The following OR2J3 variants were observed in gnomAD, a reference collection of about 807,000 sequenced individuals.
OR2J3 encodes olfactory receptor 2J3.
A neutral mutation model predicts 18.5 loss-of-function variants in OR2J3; 13 were observed. That is an observed-to-expected ratio of 0.70 (90% CI 0.46 to 1.12). The LOEUF (loss-of-function observed/expected upper bound fraction) is 1.12. Ranked by LOEUF, OR2J3 falls within the 50% of genes most tolerant of loss-of-function variation. The pLI is 0.00. For synonymous variants in OR2J3, 142 were observed against 140.6 expected (o/e 1.01, Z -0.07); for missense variants, 321 against 371.6 (o/e 0.86, Z 1.12).
rs775294292 is a variant in OR2J3, at chr6:29,112,472, T to C, written c.582T>C (p.Asp194=). 68 of 1,614,000 alleles carry C rather than the reference T, an allele frequency of 4.2e-5. No individual in the cohort carries two copies. Among genetic ancestry groups the C allele is most frequent in the Non-Finnish European group, 5.8e-5 (68 of 1,180,016 alleles). ...VPALLRLSCV[D]THVNELTLMI... ...CACTTCTGCGATTATCGTGTGTTGATACCCATGTCAATGAGCTGACCCTCA... is the reference window on the plus strand; with the variant it reads ...CACTTCTGCGATTATCGTGTGTTGACACCCATGTCAATGAGCTGACCCTCA... Residue 194 remains aspartate, a synonymous_variant, in exon 4 of 4, where the codon GAT becomes GAC. Coordinates refer to ENST00000641151, the MANE Select transcript of OR2J3 (RefSeq NM_001005216.4).
Position 29,114,653 on chromosome 6 carries a change from C to T in OR2J3, c.*1827C>T, listed in dbSNP as rs1456014194. The stretch of plus-strand genomic sequence containing the variant: ...CAACTATGCAGTACAGTATTATTAG[C>T]TATAGTCACCATACCGTAGAATAGA... On this transcript the variant is annotated 3_prime_UTR_variant, in exon 4 of 4. Coordinates refer to ENST00000641151, the MANE Select transcript of OR2J3 (RefSeq NM_001005216.4). The T allele has an allele frequency of 6.6e-6, 1 of 152,070 alleles. No individual in the cohort carries two copies. Among genetic ancestry groups the T allele is most frequent in the Non-Finnish European group, 1.5e-5 (1 of 68,002 alleles). 9.4% of individuals were successfully genotyped at this position (152,070 alleles called of 1,614,324 possible).
In OR2J3 at chr6:29,112,545, ACTT is replaced by A. The variant is rs1270527475; in HGVS notation, c.659_661del (p.Ser220del). ...TCTCATACCTCTCATCCTCATTCTC[ACTT>A]CTTATGGTGCCATCGTCCGAGCTAT... On this transcript the variant is annotated inframe_deletion, in exon 4 of 4. Coordinates refer to ENST00000641151, the MANE Select transcript of OR2J3 (RefSeq NM_001005216.4). The A allele has an allele frequency of 6.2e-7, 1 of 1,613,800 alleles. No homozygotes were observed. Among genetic ancestry groups the A allele is most frequent in the African/African-American group, 1.3e-5 (1 of 74,856 alleles).
intron 3 of OR2J3, among the ~76,000 whole-genome samples, chr6:29,110,235 C>A (rs1427931505): frequency 6.6e-6 from 1 of 152,164 alleles, no homozygotes; most frequent in Non-Finnish European, 1.5e-5. Flanking sequence ...ATCATGAATA[C>A]CCATATATTG....
At position 29,112,959 on chromosome 6, in the gene OR2J3, C is replaced by T; in HGVS notation, c.*133C>T. 2 of 1,110,838 alleles carry T rather than the reference C, an allele frequency of 1.8e-6. No homozygotes were observed. Among genetic ancestry groups the T allele is most frequent in the East Asian group, 2.6e-5 (1 of 38,722 alleles). The allele number at this position is 1,110,838 out of a possible 1,614,324, so 68.8% of individuals were successfully genotyped here. A position where few individuals can be genotyped will look rare whatever the true frequency, so the allele number is the denominator to read the frequency against. Reference sequence around the variant, plus strand: ...TGCTGAGCATGTACTCTAACAAGGTCGTGGAGTTCCTGGTAACAGGTAGGA... The same window carrying T: ...TGCTGAGCATGTACTCTAACAAGGTTGTGGAGTTCCTGGTAACAGGTAGGA... On this transcript the variant is annotated 3_prime_UTR_variant, in exon 4 of 4. Transcript: ENST00000641151.
In OR2J3 at chr6:29,111,914, TGCTA is replaced by T; in HGVS notation, c.28_31del (p.Ser10LeufsTer7). 1 of 1,613,218 alleles carries T rather than the reference TGCTA, an allele frequency of 6.2e-7. No individual in the cohort carries two copies. The highest frequency in any genetic ancestry group is 2.2e-5 in the East Asian group (1 of 44,880). ...AAATGAATGATGATGGAAAAGTCAATGCTAGCTCTGAGGGGTACTTTATTTTAGT... is the reference window on the plus strand; with the variant it reads ...AAATGAATGATGATGGAAAAGTCAATGCTCTGAGGGGTACTTTATTTTAGT... On this transcript the variant is annotated frameshift_variant, in exon 4 of 4. Coordinates refer to ENST00000641151, the MANE Select transcript of OR2J3 (RefSeq NM_001005216.4). LOFTEE classifies it high-confidence loss of function.
At position 29,112,972 on chromosome 6, in the gene OR2J3, G is replaced by T. The variant is rs1391716191; in HGVS notation, c.*146G>T. 2 of 946,588 alleles carry T rather than the reference G, an allele frequency of 2.1e-6. No individual in the cohort carries two copies. Among genetic ancestry groups the T allele is most frequent in the East Asian group, 5.3e-5 (2 of 37,886 alleles). The allele number at this position is 946,588 out of a possible 1,614,324, so 58.6% of individuals were successfully genotyped here. ...CTCTAACAAGGTCGTGGAGTTCCTG[G>T]TAACAGGTAGGAATAAAACACAGTC... On this transcript the variant is annotated 3_prime_UTR_variant, in exon 4 of 4. Transcript: ENST00000641151.
In OR2J3 at chr6:29,114,645, A is replaced by G. The variant is rs1762266131; in HGVS notation, c.*1819A>G. The G allele has an allele frequency of 2.0e-5, 3 of 152,136 alleles. No homozygotes were observed. Among genetic ancestry groups the G allele is most frequent in the Admixed American group, 2.0e-4 (3 of 15,254 alleles). The allele number at this position is 152,136 out of a possible 1,614,324, so 9.4% of individuals were successfully genotyped here. ...GCAGTTTTCAACTATGCAGTACAGT[A>G]TTATTAGCTATAGTCACCATACCGT... On this transcript the variant is annotated 3_prime_UTR_variant, in exon 4 of 4. Coordinates refer to ENST00000641151, the MANE Select transcript of OR2J3 (RefSeq NM_001005216.4).
rs772791879 is a variant in OR2J3, at chr6:29,112,585, A to C, written c.695A>C (p.Gln232Pro). ...GAIVRAILRM[Q>P]STTGLQKVFG... Reference sequence around the variant, plus strand: ...ATCGTCCGAGCTATACTGAGGATGCAGTCAACCACTGGGCTTCAGAAAGTG... The same window carrying C: ...ATCGTCCGAGCTATACTGAGGATGCCGTCAACCACTGGGCTTCAGAAAGTG... Residue 232 changes from glutamine to proline, a missense_variant, in exon 4 of 4, where the codon CAG (glutamine) becomes CCG (proline). Physicochemically the swap from Gln to Pro is moderately conservative, Grantham distance 76. Transcript: ENST00000641151. The C allele has an allele frequency of 6.2e-7, 1 of 1,614,060 alleles. No homozygotes were observed. The highest frequency in any genetic ancestry group is 1.1e-5 in the South Asian group (1 of 91,078).
intron 3 of OR2J3, among the ~76,000 whole-genome samples, chr6:29,111,379 C>T (rs3130763): frequency 0.38 from 57,877 of 151,972 alleles, 13,569 homozygotes; most frequent in Non-Finnish European, 0.51. Flanking sequence ...TCACAGCAGG[C>T]TCATGATGTT....
At chr6:29,110,855 T>TTATCTATCTATC (rs9280546) in intron 3 of OR2J3, among the ~76,000 whole-genome samples, 301 of 149,260 alleles carry the variant, frequency 2.0e-3, no homozygotes, top group East Asian at 8.4e-3. Flanking sequence ...ATCTATCTAT[T>TTATCTATCTATC]TATCTATCTA....
In OR2J3 at chr6:29,112,321, G is replaced by A. The variant is rs1488944532; in HGVS notation, c.431G>A (p.Cys144Tyr). 4 of 1,613,990 alleles carry A rather than the reference G, an allele frequency of 2.5e-6. No homozygotes were observed. Among genetic ancestry groups the A allele is most frequent in the Non-Finnish European group, 3.4e-6 (4 of 1,180,040 alleles). The change falls in exon 4 of 4, where the codon TGC (cysteine) becomes TAC (tyrosine). Residue 144 changes from cysteine to tyrosine, a missense_variant. Transcript: ENST00000641151. The part of the protein sequence containing the change: ...HYTVLMHPRF[C>Y]HLLAVASWVS... ...ACTGTCCTCATGCACCCTCGTTTCT[G>A]CCACCTGCTGGCTGTGGCTTCTTGG... is the stretch of plus-strand genomic sequence containing the variant.
At position 29,112,010 on chromosome 6, in the gene OR2J3, G is replaced by A. The variant is rs761071775; in HGVS notation, c.120G>A (p.Met40Ile). Residue 40 changes from methionine to isoleucine, a missense_variant, in exon 4 of 4, where the codon ATG becomes ATA. Met to Ile is a conservative substitution (Grantham distance 10). Transcript: ENST00000641151. ...TGGTTGTCTTGATCTTCTACTTGAT[G>A]ACACTGATAGGAAACCTGTTCATCA... ...IFVVVLIFYL[M>I]TLIGNLFIII... The A allele has an allele frequency of 1.9e-6, 3 of 1,614,046 alleles. No individual in the cohort carries two copies. Among genetic ancestry groups the A allele is most frequent in the Non-Finnish European group, 1.7e-6 (2 of 1,180,012 alleles).
chr6:29,111,962 T>A lies in OR2J3; in HGVS notation c.72T>A (p.Pro24=), dbSNP rs1345032826. Residue 24 remains proline (P), a synonymous_variant, in exon 4 of 4, where the codon CCT becomes CCA. Transcript: ENST00000641151. The part of the protein sequence containing the change: ...YFILVGFSNW[P]HLEVVIFVVV... Reference sequence around the variant, plus strand: ...TTTTAGTTGGATTTTCTAATTGGCCTCATCTGGAAGTAGTTATCTTTGTGG... The same window carrying A: ...TTTTAGTTGGATTTTCTAATTGGCCACATCTGGAAGTAGTTATCTTTGTGG... 9 of 1,614,104 alleles carry A rather than the reference T, an allele frequency of 5.6e-6. No homozygotes were observed. Among genetic ancestry groups the A allele is most frequent in the Non-Finnish European group, 7.6e-6 (9 of 1,180,000 alleles).
Position 29,112,073 on chromosome 6 carries a change from A to C in OR2J3, c.183A>C (p.Pro61=), listed in dbSNP as rs1762149255. 1.2e-6 allele frequency: 2 copies of C among 1,613,926 alleles called. No homozygotes were observed. Among genetic ancestry groups the C allele is most frequent in the African/African-American group, 2.7e-5 (2 of 74,890 alleles). ...LSYLDSHLHT[P]MYFFLSNLSF... is the part of the protein sequence containing the mutation. The stretch of plus-strand genomic sequence containing the variant: ...ACCTGGACTCCCATCTGCACACACC[A>C]ATGTACTTCTTCCTTTCAAACCTCT... Residue 61 remains proline, a synonymous_variant, in exon 4 of 4, where the codon CCA becomes CCC. Coordinates refer to ENST00000641151, the MANE Select transcript of OR2J3 (RefSeq NM_001005216.4).
At chr6:29,109,176 A>T (rs982180861) in intron 3 of OR2J3, among the ~76,000 whole-genome samples, 5 of 152,212 alleles carry the variant, frequency 3.3e-5, no homozygotes, top group African/African-American at 1.2e-4. Context: ...CCTCTAAGTC[A>T]AGTAATCTTC....
rs1290981560 is a variant in OR2J3, at chr6:29,112,831, G to C, written c.*5G>C. On this transcript the variant is annotated 3_prime_UTR_variant, in exon 4 of 4. Coordinates refer to ENST00000641151, the MANE Select transcript of OR2J3 (RefSeq NM_001005216.4). ...AGACTAATGGGGTGGGAATGAGCCT[G>C]TGTATGTGTCATATTAACAATATAA... The C allele has an allele frequency of 6.2e-7, 1 of 1,604,198 alleles. No individual in the cohort carries two copies. Among genetic ancestry groups the C allele is most frequent in the Non-Finnish European group, 8.5e-7 (1 of 1,175,524 alleles).
intron 3 of OR2J3, among the ~76,000 whole-genome samples, chr6:29,111,009 C>T (rs889317816): frequency 6.6e-6 from 1 of 152,048 alleles, no homozygotes; most frequent in African/African-American, 2.4e-5. Context: ...TGTTACTTTA[C>T]ATAAGTCCAG....
Position 29,112,345 on chromosome 6 carries a change from G to A in OR2J3, c.455G>A (p.Trp152Ter). 7.4e-6 allele frequency: 12 copies of A among 1,614,054 alleles called. No homozygotes were observed. Among genetic ancestry groups the A allele is most frequent in the Non-Finnish European group, 9.3e-6 (11 of 1,180,020 alleles). Reference protein sequence around the residue: ...RFCHLLAVASWVSGFTNSALH... With the variant: ...RFCHLLAVAS Reference sequence around the variant, plus strand: ...TGCCACCTGCTGGCTGTGGCTTCTTGGGTAAGTGGTTTTACCAACTCAGCA... The same window carrying A: ...TGCCACCTGCTGGCTGTGGCTTCTTAGGTAAGTGGTTTTACCAACTCAGCA... The change falls in exon 4 of 4, where the codon TGG becomes TAG. Residue 152 changes from tryptophan (W) to a stop codon, truncating the protein, a stop_gained. Transcript: ENST00000641151. LOFTEE classifies it high-confidence loss of function.
chr6:29,110,792 TTGAG>T (rs1404435867), intron 3 of OR2J3, among the ~76,000 whole-genome samples: 2 of 152,100 alleles, frequency 1.3e-5, no homozygotes, highest in Admixed American at 6.6e-5. Flanking sequence ...TTTTACCAGA[TTGAG>T]TATTAGTTTA....
Sources: gnomAD v4.1 joint callset for allele counts (sites outside exome capture counted in the v4.1 genomes callset) on GRCh38, gnomAD v4.1.1 for gene constraint, MANE v1.5 for transcripts, NCBI Gene and HGNC (gene_info 2026-07-23, HGNC 2026-07-21) for gene names.